DCLK2: variants seen among roughly 807,000 people sequenced by gnomAD.
DCLK2 encodes the protein serine/threonine-protein kinase DCLK2.
A neutral mutation model predicts 78.4 loss-of-function variants in DCLK2; 31 were observed. The observed-to-expected ratio is 0.40, with a 90% confidence interval of 0.30 to 0.53. DCLK2 has a LOEUF of 0.53. Ranked by LOEUF, DCLK2 falls within the 20% of genes least tolerant of loss-of-function variation. The pLI is 0.61. For synonymous variants in DCLK2, 407 were observed against 374.9 expected (o/e 1.09, Z -0.99); for missense variants, 872 against 973.7 (o/e 0.90, Z 1.39).
At chr4:150,132,546 C>T (rs751486509) in intron 2 of DCLK2, among the ~76,000 whole-genome samples, 19 of 152,276 alleles carry the variant, frequency 1.2e-4, no homozygotes, top group Middle Eastern at 6.8e-3. Context: ...GCTATTGCTC[C>T]TAGAGGAAAT....
chr4:150,109,286 G>A (rs550159576), intron 2 of DCLK2, among the ~76,000 whole-genome samples: 92 of 150,912 alleles, frequency 6.1e-4, no homozygotes, highest in African/African-American at 5.6e-4. Flanking sequence ...AGTAGGTAAG[G>A]ACAGAATTTG....
At chr4:150,122,842 C>T (rs528614417) in intron 2 of DCLK2, among the ~76,000 whole-genome samples, 3 of 152,346 alleles carry the variant, frequency 2.0e-5, no homozygotes, top group East Asian at 3.9e-4. Context: ...CATCAGTACT[C>T]GCTGCTTCAC....
At chr4:150,241,506 C>G (rs756576104) in intron 12 of DCLK2, among the ~76,000 whole-genome samples, 3 of 152,180 alleles carry the variant, frequency 2.0e-5, no homozygotes, top group Non-Finnish European at 4.4e-5. Context: ...ACTTTAATCT[C>G]TTCCCTTTGT....
At chr4:150,156,188 T>C (rs1735258102) in intron 2 of DCLK2, among the ~76,000 whole-genome samples, 1 of 152,090 alleles carries the variant, frequency 6.6e-6, no homozygotes, top group Non-Finnish European at 1.5e-5. Context: ...GTTAGATGTT[T>C]GTTGAGGTGG....
rs1279927962 is a variant in DCLK2, at chr4:150,078,557, G to T, written c.-471G>T. The T allele has an allele frequency of 6.6e-6, 1 of 151,168 alleles. No homozygotes were observed. The highest frequency in any genetic ancestry group is 1.5e-5 in the Non-Finnish European group (1 of 67,776). The allele number at this position is 151,168 out of a possible 1,614,324, so 9.4% of individuals were successfully genotyped here. A position where few individuals can be genotyped will look rare whatever the true frequency, so the allele number is the denominator to read the frequency against. ...CCTGGGCCCGCGCGACTCCCCCGGGGGCCTCTCCCACGCTCCGCGCCCCGC... is the reference window on the plus strand; with the variant it reads ...CCTGGGCCCGCGCGACTCCCCCGGGTGCCTCTCCCACGCTCCGCGCCCCGC... On this transcript the variant is annotated 5_prime_UTR_variant, in exon 1 of 16. Coordinates refer to ENST00000296550, the MANE Select transcript of DCLK2 (RefSeq NM_001040260.4).
intron 1 of DCLK2, among the ~76,000 whole-genome samples, chr4:150,085,235 G>T (rs78130283): frequency 0.036 from 5,509 of 152,228 alleles, 205 homozygotes; most frequent in South Asian, 0.087. Context: ...AGTCCATTCT[G>T]TTTGTGGGGT....
intron 2 of DCLK2, among the ~76,000 whole-genome samples, chr4:150,157,444 G>A (rs765902469): frequency 5.4e-4 from 82 of 151,524 alleles, no homozygotes; most frequent in Non-Finnish European, 1.1e-3. Flanking sequence ...ACAAACATGT[G>A]CCACTATGCC....
rs567802452 is a variant in DCLK2 at position 150,169,826 on chromosome 4, C to T, written c.757-23312C>T. On this transcript the variant is annotated intron_variant, in intron 2 of 15. Transcript: ENST00000296550. ...CCATTGGTGGCCTGTGATTGACAGA[C>T]AGCTAATTGTTACAAAAGTATACAG... 3.9e-5 allele frequency among the ~76,000 whole-genome samples: 6 copies of T among 152,242 alleles called. No homozygotes were observed. In the South Asian group the frequency reaches 1.2e-3, roughly 32 times the overall value.
chr4:150,236,900 A>G (rs1015351369), intron 10 of DCLK2, among the ~76,000 whole-genome samples: 4 of 152,148 alleles, frequency 2.6e-5, no homozygotes, highest in Non-Finnish European at 4.4e-5. Flanking sequence ...GTCCCTTTCT[A>G]TATATGCTCC....
chr4:150,082,640 T>G (rs1048153391), intron 1 of DCLK2, among the ~76,000 whole-genome samples: 2 of 152,192 alleles, frequency 1.3e-5, no homozygotes, highest in Admixed American at 1.3e-4. Context: ...TAAAACTAGT[T>G]GGGGGACCTC....
chr4:150,129,880 G>A (rs970526327), intron 2 of DCLK2, among the ~76,000 whole-genome samples: 4 of 151,756 alleles, frequency 2.6e-5, no homozygotes, highest in African/African-American at 7.3e-5. Context: ...TTTTGAAGAG[G>A]TGCCTAATCT....
At chr4:150,247,948 T>G (rs1743459331) in intron 13 of DCLK2, among the ~76,000 whole-genome samples, 1 of 152,234 alleles carries the variant, frequency 6.6e-6, no homozygotes. Context: ...ATCCATTATT[T>G]CATTTACTCA....
At position 150,219,155 on chromosome 4, in the gene DCLK2, G is replaced by A. The variant is rs144135873; in HGVS notation, c.1057-1548G>A. ...GGAGGTGGAGATTGCAGTGAGCCAA[G>A]ATTGCATCACTGCACTCCAGCCTGG... On this transcript the variant is annotated intron_variant, in intron 5 of 15. Coordinates refer to ENST00000296550, the MANE Select transcript of DCLK2 (RefSeq NM_001040260.4). Among the ~76,000 whole-genome samples the A allele has an allele frequency of 3.5e-3, 524 of 150,850 alleles. 3 individuals carry two copies. The highest frequency in any genetic ancestry group is 0.012 in the African/African-American group (502 of 41,166).
intron 2 of DCLK2, among the ~76,000 whole-genome samples, chr4:150,141,234 C>T (rs1019496545): frequency 1.3e-5 from 2 of 152,152 alleles, no homozygotes; most frequent in African/African-American, 4.8e-5. Flanking sequence ...ACCCTTCCTT[C>T]CCCCAAATCG....
At chr4:150,101,163 G>A (rs1730864421) in intron 1 of DCLK2, among the ~76,000 whole-genome samples, 1 of 152,168 alleles carries the variant, frequency 6.6e-6, no homozygotes, top group Non-Finnish European at 1.5e-5. Context: ...GCTGAGGTGG[G>A]AGAATCACTT....
chr4:150,168,835 C>T (rs1736295314), intron 2 of DCLK2, among the ~76,000 whole-genome samples: 1 of 152,180 alleles, frequency 6.6e-6, no homozygotes, highest in Admixed American at 6.5e-5. Context: ...CATTTTAGTT[C>T]ATTCTGACTG....
chr4:150,210,503 G>A (rs1335965567), intron 5 of DCLK2, among the ~76,000 whole-genome samples: 1 of 152,004 alleles, frequency 6.6e-6, no homozygotes, highest in African/African-American at 2.4e-5. Flanking sequence ...ATCTATAAAT[G>A]ACTCTACTAG....
rs187962858 is a variant in DCLK2 at position 150,110,847 on chromosome 4, G to A, written c.756+8035G>A. ...TTTTTATGGCTGAGTAGTATTCCAT[G>A]GTGTATATATACCACATTTTCTTTA... On this transcript the variant is annotated intron_variant, in intron 2 of 15. Transcript: ENST00000296550. Among the ~76,000 whole-genome samples, 452 of 152,094 alleles carry A rather than the reference G, an allele frequency of 3.0e-3. 4 individuals carry two copies. Among genetic ancestry groups the A allele is most frequent in the African/African-American group, 0.01 (432 of 41,486 alleles).
rs907222537 is a variant in DCLK2 at position 150,243,412 on chromosome 4, G to A, written c.1778+2936G>A. Among the ~76,000 whole-genome samples the A allele has an allele frequency of 2.6e-5, 4 of 151,582 alleles. No homozygotes were observed. In the East Asian group the frequency reaches 5.8e-4, roughly 22 times the overall value. The stretch of plus-strand genomic sequence containing the variant: ...CCAAAGTGTCTTCATGGCATACAGC[G>A]ACATTCTGGGTAGATTTTATAACCT... On this transcript the variant is annotated intron_variant, in intron 12 of 15. Transcript: ENST00000296550.
Sources: gnomAD v4.1 joint callset for allele counts (sites outside exome capture counted in the v4.1 genomes callset) on GRCh38, gnomAD v4.1.1 for gene constraint, MANE v1.5 for transcripts, NCBI Gene and HGNC (gene_info 2026-07-23, HGNC 2026-07-21) for gene names.